RPL39L: variants seen among roughly 807,000 people sequenced by gnomAD.
The protein encoded by RPL39L is ribosomal protein L39 like, also known as ribosomal protein eL39-like 2.
For missense variants in RPL39L, 48 were observed against 58.9 expected (o/e 0.81, Z 0.61); for synonymous variants, 16 against 20.1 (o/e 0.80, Z 0.55).
chr3:187,126,818 C>T (rs549457953), intron 2 of RPL39L, among the ~76,000 whole-genome samples: 14 of 152,206 alleles, frequency 9.2e-5, no homozygotes, highest in Admixed American at 7.2e-4. Flanking sequence ...AAAACAAAAC[C>T]CTGGGTTCAT....
chr3:187,133,166 G>A (rs1304934456), intron 1 of RPL39L, among the ~76,000 whole-genome samples: 1 of 152,304 alleles, frequency 6.6e-6, no homozygotes, highest in South Asian at 2.1e-4. Context: ...AGACTAGAGA[G>A]AGCCTCCTCG....
chr3:187,138,599 A>C (rs1720627616), intron 1 of RPL39L, among the ~76,000 whole-genome samples: 1 of 152,230 alleles, frequency 6.6e-6, no homozygotes, highest in South Asian at 2.1e-4. Flanking sequence ...TAAACCACTG[A>C]TGAATCAGTG....
At chr3:187,135,615 C>T (rs1176254467) in intron 1 of RPL39L, among the ~76,000 whole-genome samples, 2 of 152,206 alleles carry the variant, frequency 1.3e-5, no homozygotes, top group African/African-American at 4.8e-5. Context: ...ATGTCTTTAT[C>T]AGCAGCATGA....
intron 1 of RPL39L, among the ~76,000 whole-genome samples, chr3:187,137,041 A>G (rs1720591633): frequency 6.6e-6 from 1 of 151,840 alleles, no homozygotes; most frequent in Admixed American, 6.6e-5. Context: ...CCTCATCTCT[A>G]CAAAAAAATT....
At chr3:187,129,089 C>T (rs1216132683) in intron 1 of RPL39L, among the ~76,000 whole-genome samples, 1 of 152,164 alleles carries the variant, frequency 6.6e-6, no homozygotes, top group African/African-American at 2.4e-5. Flanking sequence ...GTGATGATAG[C>T]TTAGCAAGGA....
chr3:187,138,516 C>T (rs1466577624), intron 1 of RPL39L, among the ~76,000 whole-genome samples: 8 of 152,160 alleles, frequency 5.3e-5, no homozygotes, highest in Non-Finnish European at 8.8e-5. Flanking sequence ...AAAGTGTTTG[C>T]GCCTGTGAGA....
At chr3:187,124,534 C>T (rs1220742062) in intron 2 of RPL39L, among the ~76,000 whole-genome samples, 1 of 152,158 alleles carries the variant, frequency 6.6e-6, no homozygotes, top group East Asian at 1.9e-4. Flanking sequence ...CCGAGACATA[C>T]ATTTCCTGCC....
intron 1 of RPL39L, among the ~76,000 whole-genome samples, chr3:187,136,970 C>T (rs373441733): frequency 1.3e-5 from 2 of 151,712 alleles, no homozygotes; most frequent in African/African-American, 2.4e-5. Flanking sequence ...TTTTGGGAGG[C>T]GAGAGGATTG....
chr3:187,129,032 T>C (rs1019007015), intron 1 of RPL39L, among the ~76,000 whole-genome samples: 2 of 152,228 alleles, frequency 1.3e-5, no homozygotes, highest in African/African-American at 4.8e-5. Flanking sequence ...CCATATGTTA[T>C]GATGCCTAAT....
At chr3:187,130,233 C>T (rs1720463890) in intron 1 of RPL39L, among the ~76,000 whole-genome samples, 1 of 152,206 alleles carries the variant, frequency 6.6e-6, no homozygotes, top group Non-Finnish European at 1.5e-5. Context: ...ATAACATCCA[C>T]GATGTCACCT....
chr3:187,136,097 C>T (rs1018089470), intron 1 of RPL39L, among the ~76,000 whole-genome samples: 1 of 152,320 alleles, frequency 6.6e-6, no homozygotes, highest in African/African-American at 2.4e-5. Context: ...CACTAAAGAT[C>T]GAGATATTGG....
chr3:187,131,833 T>C (rs1720489313), intron 1 of RPL39L, among the ~76,000 whole-genome samples: 1 of 152,230 alleles, frequency 6.6e-6, no homozygotes, highest in Non-Finnish European at 1.5e-5. Context: ...TCTACAGCTG[T>C]ATAAAGCCTA....
intron 2 of RPL39L, among the ~76,000 whole-genome samples, chr3:187,123,461 T>C (rs1487313286): frequency 6.6e-6 from 1 of 152,242 alleles, no homozygotes; most frequent in East Asian, 1.9e-4. Flanking sequence ...AACTTTTAGC[T>C]ACCAATCACA....
intron 2 of RPL39L, among the ~76,000 whole-genome samples, chr3:187,122,018 A>C (rs1245141212): frequency 6.6e-6 from 1 of 152,200 alleles, no homozygotes; most frequent in Non-Finnish European, 1.5e-5. Context: ...ATTCATCCCC[A>C]CAACACTTAA....
chr3:187,121,133 A>G lies in RPL39L; in HGVS notation c.*12T>C, dbSNP rs772831789. 1.2e-6 allele frequency: 2 copies of G among 1,612,720 alleles called. No homozygotes were observed. The highest frequency in any genetic ancestry group is 3.3e-5 in the Admixed American group (2 of 59,996). ...ACAGCATAAATATGTGTGCCATCTCATGTGCAATTCCTTATAGACCCAGCT... is the reference window on the plus strand; with the variant it reads ...ACAGCATAAATATGTGTGCCATCTCGTGTGCAATTCCTTATAGACCCAGCT... On this transcript the variant is annotated 3_prime_UTR_variant, in exon 3 of 3. Transcript: ENST00000296277.
At chr3:187,127,256 T>C (rs886474891) in intron 2 of RPL39L, among the ~76,000 whole-genome samples, 1 of 152,104 alleles carries the variant, frequency 6.6e-6, no homozygotes, top group African/African-American at 2.4e-5. Flanking sequence ...TTGAGAATCA[T>C]TGCTTTACAT....
At chr3:187,134,547 C>T (rs565496174) in intron 1 of RPL39L, among the ~76,000 whole-genome samples, 2 of 147,908 alleles carry the variant, frequency 1.4e-5, no homozygotes, top group South Asian at 2.1e-4. Flanking sequence ...GGGGACAATG[C>T]TACAGGTCTC....
intron 2 of RPL39L, 143 bp downstream of exon 2, chr3:187,127,856 A>G (rs1720424178): frequency 6.6e-6 from 1 of 152,260 alleles, no homozygotes. Context: ...TAAAATTCAG[A>G]TATACTATCT....
Position 187,134,017 on chromosome 3 carries a change from C to T in RPL39L, c.-93+5196G>A, listed in dbSNP as rs1049735080. Among the ~76,000 whole-genome samples the T allele has an allele frequency of 2.6e-5, 4 of 152,086 alleles. No individual in the cohort carries two copies. The South Asian group carries it at 8.3e-4, about 32-fold the overall frequency. ...GAGCATGAAAAAGAAAAAAACAACTCATTGTGAAGAGGGAAAGTAATCAAC... is the reference window on the plus strand; with the variant it reads ...GAGCATGAAAAAGAAAAAAACAACTTATTGTGAAGAGGGAAAGTAATCAAC... On this transcript the variant is annotated intron_variant, in intron 1 of 2. Transcript: ENST00000296277.
Sources: allele counts gnomAD v4.1 joint callset (sites outside exome capture counted in the v4.1 genomes callset), GRCh38; gene constraint gnomAD v4.1.1; transcripts MANE v1.5; gene names NCBI Gene and HGNC (gene_info 2026-07-23, HGNC 2026-07-21).